The following CAST variants were observed in gnomAD, a reference collection of about 807,000 sequenced individuals.
The protein encoded by CAST is calpastatin, also known as MIR583 host.
Under a neutral mutation model 119.6 loss-of-function variants are expected in CAST, and 76 were observed. The observed-to-expected ratio is 0.64, with a 90% confidence interval of 0.53 to 0.77. The LOEUF (loss-of-function observed/expected upper bound fraction) is 0.77. CAST is among the 30% of genes least tolerant of loss of function. The pLI is 0.00. For synonymous variants in CAST, 319 were observed against 331.6 expected (o/e 0.96, Z 0.41); for missense variants, 953 against 946.5 (o/e 1.01, Z -0.09).
At chr5:96,236,111 G>GTCTGTCTATCTATCTATCTATCTA in the CAST span, among the ~76,000 whole-genome samples, 3 of 151,770 alleles carry the variant, frequency 2.0e-5, no homozygotes, top group African/African-American at 7.3e-5. Flanking sequence ...CTGTCTGTCT[G>GTCTGTCTATCTATCTATCTATCTA]TCTATCTATC....
At chr5:96,000,029 T>C in the CAST span, among the ~76,000 whole-genome samples, 3 of 152,238 alleles carry the variant, frequency 2.0e-5, no homozygotes, top group Non-Finnish European at 4.4e-5. Flanking sequence ...ATATTGTTAT[T>C]AGCCATTACT....
intron 16 of CAST, chr5:96,743,783 A>G (rs1192928139): frequency 3.1e-6 from 4 of 1,286,520 alleles, no homozygotes; most frequent in East Asian, 2.5e-5. Context: ...TGATTACAAC[A>G]CAATGTGAGA....
chr5:96,149,653 T>G, the CAST span, among the ~76,000 whole-genome samples: 2 of 152,218 alleles, frequency 1.3e-5, no homozygotes, highest in Non-Finnish European at 2.9e-5. Flanking sequence ...TGAATATCAC[T>G]GACCCAGAGG....
the CAST span, among the ~76,000 whole-genome samples, chr5:96,326,743 C>G: frequency 1.2e-4 from 13 of 111,872 alleles, no homozygotes; most frequent in African/African-American, 4.2e-4. Flanking sequence ...GTCGCATTAT[C>G]TGGCACACAG....
intron 2 of CAST, among the ~76,000 whole-genome samples, chr5:96,690,914 T>C (rs1752648592): frequency 1.3e-5 from 2 of 152,236 alleles, no homozygotes; most frequent in African/African-American, 4.8e-5. Context: ...TGTCAAAACT[T>C]ACATATTTTA....
intron 16 of CAST, among the ~76,000 whole-genome samples, chr5:96,745,273 A>G (rs1763525202): frequency 1.3e-5 from 2 of 152,244 alleles, no homozygotes; most frequent in African/African-American, 4.8e-5. Flanking sequence ...AAAACAGTGA[A>G]ACTAATCCCA....
At chr5:96,326,435 C>T in the CAST span, among the ~76,000 whole-genome samples, 1 of 152,234 alleles carries the variant, frequency 6.6e-6, no homozygotes, top group Non-Finnish European at 1.5e-5. Flanking sequence ...GAATGTTCTC[C>T]TCTTCTTTTC....
intron 1 of CAST, among the ~76,000 whole-genome samples, chr5:96,548,530 C>T (rs1227031881): frequency 1.3e-5 from 2 of 152,114 alleles, no homozygotes; most frequent in African/African-American, 2.4e-5. Context: ...CCCCCCGCCC[C>T]CCACCAACCC....
chr5:96,451,610 A>G, the CAST span, among the ~76,000 whole-genome samples: 1 of 152,236 alleles, frequency 6.6e-6, no homozygotes, highest in Non-Finnish European at 1.5e-5. Flanking sequence ...AAAACATCAA[A>G]AGCAATGGCA....
At chr5:96,433,314 C>T in the CAST span, 3 of 490,206 alleles carry the variant, frequency 6.1e-6, no homozygotes, top group Non-Finnish European at 1.1e-5. Context: ...CGAAAGCCAT[C>T]TCTTGACGTC....
intron 24 of CAST, chr5:96,760,714 G>A (rs188633263): frequency 4.6e-5 from 7 of 151,884 alleles, no homozygotes; most frequent in African/African-American, 1.4e-4. Context: ...ACTATAAAAG[G>A]AGAAATGATC....
chr5:96,198,417 T>C, the CAST span, among the ~76,000 whole-genome samples: 7 of 152,294 alleles, frequency 4.6e-5, no homozygotes, highest in Admixed American at 1.3e-4. Flanking sequence ...AGCTGCTCTC[T>C]GCTTCTCTGT....
At chr5:96,412,752 G>GTT in the CAST span, among the ~76,000 whole-genome samples, 1,786 of 71,536 alleles carry the variant, frequency 0.025, 48 homozygotes, top group East Asian at 0.034. Context: ...CAGCTGTGAT[G>GTT]TTTTTTTTTT....
chr5:96,226,159 G>A, the CAST span, among the ~76,000 whole-genome samples: 14 of 152,152 alleles, frequency 9.2e-5, no homozygotes, highest in African/African-American at 3.4e-4. Flanking sequence ...CTGCCCATTG[G>A]TTGTAGCTGC....
intron 1 of CAST, among the ~76,000 whole-genome samples, chr5:96,565,793 T>G (rs910075493): frequency 3.3e-5 from 5 of 152,220 alleles, no homozygotes; most frequent in Non-Finnish European, 5.9e-5. Flanking sequence ...AGGGAATACC[T>G]GCTCTCCTAC....
the CAST span, among the ~76,000 whole-genome samples, chr5:96,160,579 C>T: frequency 2.6e-5 from 4 of 152,186 alleles, no homozygotes; most frequent in East Asian, 7.7e-4. Context: ...ACATTATGTT[C>T]AAGTTTTGAG....
the CAST span, among the ~76,000 whole-genome samples, chr5:96,294,087 T>C: frequency 6.6e-6 from 1 of 152,172 alleles, no homozygotes; most frequent in African/African-American, 2.4e-5. Context: ...TAAGTTTCAT[T>C]CTATTCAAAT....
At chr5:96,174,400 G>A in the CAST span, among the ~76,000 whole-genome samples, 2 of 152,208 alleles carry the variant, frequency 1.3e-5, no homozygotes, top group Non-Finnish European at 2.9e-5. Flanking sequence ...TGTGAACAAG[G>A]TCCTGCGCTG....
the CAST span, among the ~76,000 whole-genome samples, chr5:96,083,517 TA>T: frequency 7.2e-4 from 109 of 152,338 alleles, no homozygotes; most frequent in Non-Finnish European, 1.2e-3. Flanking sequence ...AAACAAGTAG[TA>T]AAAGTTTACT....
Sources: allele counts gnomAD v4.1 joint callset (sites outside exome capture counted in the v4.1 genomes callset), GRCh38; gene constraint gnomAD v4.1.1; transcripts MANE v1.5; gene names NCBI Gene and HGNC (gene_info 2026-07-23, HGNC 2026-07-21).